The following PRKG1 variants were observed in gnomAD, a reference collection of about 807,000 sequenced individuals.
PRKG1 encodes the protein protein kinase cGMP-dependent 1.
Under a neutral mutation model 88.1 loss-of-function variants are expected in PRKG1, and 35 were observed. The ratio of observed to expected loss-of-function variants is 0.40; its 90% CI spans 0.30 to 0.53. The LOEUF (loss-of-function observed/expected upper bound fraction) is 0.53. PRKG1 is among the 20% of genes least tolerant of loss of function. The probability of loss-of-function intolerance (pLI) is 0.59; values close to 1 mark genes in which losing one functional copy is unlikely to be tolerated. For missense variants in PRKG1, 540 were observed against 839.8 expected, an observed-to-expected ratio of 0.64 and a Z score of 4.41; for synonymous variants, 303 against 292.5, an observed-to-expected ratio of 1.04 and a Z score of -0.37.
chr10:51,143,501 G>A (rs1215079259), intron 1 of PRKG1, among the ~76,000 whole-genome samples: 2 of 152,062 alleles, frequency 1.3e-5, no homozygotes, highest in East Asian at 3.8e-4. Context: ...ATACCCAGTA[G>A]TGGGATAACA....
At chr10:51,676,852 T>C (rs938551925) in intron 3 of PRKG1, among the ~76,000 whole-genome samples, 5 of 152,208 alleles carry the variant, frequency 3.3e-5, no homozygotes, top group African/African-American at 9.6e-5. Context: ...TCAAGGCTAA[T>C]GTAATTAAAT....
At chr10:51,138,420 C>A (rs1312059416) in intron 1 of PRKG1, among the ~76,000 whole-genome samples, 1 of 152,120 alleles carries the variant, frequency 6.6e-6, no homozygotes, top group Non-Finnish European at 1.5e-5. Flanking sequence ...AATATTGAGT[C>A]TCTTTCACGT....
At chr10:52,211,582 C>T (rs1353803072) in intron 9 of PRKG1, among the ~76,000 whole-genome samples, 1 of 149,822 alleles carries the variant, frequency 6.7e-6, no homozygotes, top group Non-Finnish European at 1.5e-5. Context: ...TAGATTTTCA[C>T]AATATATAGT....
chr10:51,212,907 C>T (rs527557829), intron 2 of PRKG1, among the ~76,000 whole-genome samples: 5 of 151,840 alleles, frequency 3.3e-5, no homozygotes, highest in South Asian at 2.1e-4. Context: ...GTCAGTGTGG[C>T]GATTCCTCAG....
At chr10:51,381,354 GTGAA>G (rs999321067) in intron 2 of PRKG1, among the ~76,000 whole-genome samples, 32 of 145,446 alleles carry the variant, frequency 2.2e-4, no homozygotes, top group Admixed American at 4.2e-4. Context: ...AAATGAGTGA[GTGAA>G]TGAATGAATG....
At chr10:51,523,679 A>G (rs1403801483) in intron 3 of PRKG1, among the ~76,000 whole-genome samples, 1 of 152,174 alleles carries the variant, frequency 6.6e-6, no homozygotes, top group Non-Finnish European at 1.5e-5. Context: ...CATAGCTAAA[A>G]CTACTGACAA....
At chr10:51,653,836 A>G (rs765651777) in intron 3 of PRKG1, among the ~76,000 whole-genome samples, 2 of 152,150 alleles carry the variant, frequency 1.3e-5, no homozygotes, top group African/African-American at 2.4e-5. Flanking sequence ...CGAAAGTGCT[A>G]GGATTACAGG....
intron 4 of PRKG1, among the ~76,000 whole-genome samples, chr10:51,839,430 C>A (rs1840212844): frequency 6.6e-6 from 1 of 152,122 alleles, no homozygotes. Flanking sequence ...CAGTGATTTG[C>A]ACAGGGGACA....
At chr10:51,626,671 T>A (rs2132270980) in intron 3 of PRKG1, among the ~76,000 whole-genome samples, 1 of 152,286 alleles carries the variant, frequency 6.6e-6, no homozygotes, top group Non-Finnish European at 1.5e-5. Flanking sequence ...TAGCATTCTT[T>A]TGTTTTTCTG....
intron 7 of PRKG1, among the ~76,000 whole-genome samples, chr10:52,106,099 C>A (rs768885477): frequency 2.6e-5 from 4 of 152,172 alleles, no homozygotes; most frequent in Non-Finnish European, 5.9e-5. Context: ...AGTTACTTCA[C>A]TTAAAATAAT....
chr10:51,099,384 G>GACACACACACACACAC (rs71459403), intron 1 of PRKG1, among the ~76,000 whole-genome samples: 19 of 148,896 alleles, frequency 1.3e-4, no homozygotes, highest in African/African-American at 2.2e-4. Flanking sequence ...CAGCATTCAA[G>GACACACACACACACAC]ACACACACAC....
At chr10:52,203,669 A>G (rs1910532) in intron 9 of PRKG1, among the ~76,000 whole-genome samples, 31,025 of 152,134 alleles carry the variant, frequency 0.2, 4,350 homozygotes, top group African/African-American at 0.39. Flanking sequence ...GGTCTCTAAG[A>G]ACTTGTTTTA....
At chr10:51,114,933 T>A (rs771662775) in intron 1 of PRKG1, among the ~76,000 whole-genome samples, 4 of 152,154 alleles carry the variant, frequency 2.6e-5, no homozygotes, top group Non-Finnish European at 5.9e-5. Flanking sequence ...TAAAACTTAT[T>A]TGAATATTTG....
intron 9 of PRKG1, among the ~76,000 whole-genome samples, chr10:52,218,242 GT>G (rs376908488): frequency 6.9e-5 from 10 of 144,792 alleles, no homozygotes; most frequent in South Asian, 4.4e-4. Context: ...ATAGGTTACA[GT>G]TTTTTTTTTG....
chr10:51,505,759 G>A (rs189145013), intron 3 of PRKG1, among the ~76,000 whole-genome samples: 371 of 152,270 alleles, frequency 2.4e-3, no homozygotes, highest in Admixed American at 5.7e-3. Flanking sequence ...TATTTGCATA[G>A]AGGTGTTTAT....
intron 2 of PRKG1, among the ~76,000 whole-genome samples, chr10:51,348,309 A>G (rs1842161543): frequency 6.6e-6 from 1 of 152,204 alleles, no homozygotes; most frequent in Non-Finnish European, 1.5e-5. Context: ...GAGAAAGATT[A>G]TACATTTGAT....
At chr10:51,782,509 C>T (rs1265884639) in intron 3 of PRKG1, among the ~76,000 whole-genome samples, 2 of 152,080 alleles carry the variant, frequency 1.3e-5, no homozygotes, top group Non-Finnish European at 2.9e-5. Context: ...AAGTAACTTG[C>T]CCCAAATCAC....
chr10:51,790,042 C>T (rs538530912), intron 3 of PRKG1, among the ~76,000 whole-genome samples: 2 of 152,182 alleles, frequency 1.3e-5, no homozygotes, highest in East Asian at 1.9e-4. Context: ...AGGCTGATGT[C>T]GAACTCCTGA....
At chr10:51,308,400 T>G (rs1841094016) in intron 2 of PRKG1, among the ~76,000 whole-genome samples, 1 of 152,190 alleles carries the variant, frequency 6.6e-6, no homozygotes, top group South Asian at 2.1e-4. Context: ...CTATTGATAC[T>G]AACTACATTG....
Sources: allele counts gnomAD v4.1 joint callset (sites outside exome capture counted in the v4.1 genomes callset), GRCh38; gene constraint gnomAD v4.1.1; transcripts MANE v1.5; gene names NCBI Gene and HGNC (gene_info 2026-07-23, HGNC 2026-07-21).